DENND4C: variants seen among roughly 807,000 people sequenced by gnomAD.
DENND4C encodes the protein DENN domain-containing protein 4C.
In DENND4C, 108 loss-of-function variants were observed where a neutral mutation model predicts 203.0. The ratio of observed to expected loss-of-function variants is 0.53; its 90% CI spans 0.46 to 0.62. DENND4C has a LOEUF of 0.62. Among genes scored for constraint, DENND4C ranks in the 20% least tolerant of loss-of-function variants. The probability of loss-of-function intolerance (pLI) is 0.00; values close to 1 mark genes in which losing one functional copy is unlikely to be tolerated. For missense variants in DENND4C, 2,481 were observed against 2,301.2 expected, an observed-to-expected ratio of 1.08 and a Z score of -1.60; for synonymous variants, 871 against 792.4, an observed-to-expected ratio of 1.10 and a Z score of -1.67.
At chr9:19,356,256 T>C (rs1437431877) in intron 26 of DENND4C, among the ~76,000 whole-genome samples, 2 of 152,216 alleles carry the variant, frequency 1.3e-5, no homozygotes, top group African/African-American at 2.4e-5. Flanking sequence ...GACTTTGATA[T>C]GCATATCATT....
chr9:19,350,516 T>C (rs1349148597), intron 23 of DENND4C, among the ~76,000 whole-genome samples, 186 bp from the exon 24 acceptor site: 1 of 152,176 alleles, frequency 6.6e-6, no homozygotes, highest in Admixed American at 6.6e-5. Context: ...TATTGTTGCT[T>C]ATGGCTTGAA....
intron 5 of DENND4C, chr9:19,292,628 C>G (rs1438294788): frequency 2.0e-5 from 3 of 151,492 alleles, no homozygotes; most frequent in Non-Finnish European, 4.4e-5. Context: ...TCACTGCAAC[C>G]TCCGCCTCCC....
intron 1 of DENND4C, among the ~76,000 whole-genome samples, chr9:19,269,772 T>C (rs764244295): frequency 4.6e-5 from 7 of 152,152 alleles, no homozygotes; most frequent in Non-Finnish European, 1.0e-4. Flanking sequence ...ATTTAGTTTG[T>C]TTGGTGAGGT....
At chr9:19,237,727 C>CT (rs1051172139) in intron 1 of DENND4C, among the ~76,000 whole-genome samples, 2 of 152,280 alleles carry the variant, frequency 1.3e-5, no homozygotes, top group Admixed American at 1.3e-4. Context: ...ATCTGTATGC[C>CT]TTTTTTTCCT....
At chr9:19,297,711 T>C (rs1837747839) in intron 6 of DENND4C, among the ~76,000 whole-genome samples, 2 of 152,182 alleles carry the variant, frequency 1.3e-5, no homozygotes, top group African/African-American at 4.8e-5. Context: ...AATTTTAGTG[T>C]AAATTCATTA....
Position 19,286,792 on chromosome 9 carries a change from G to A in DENND4C, c.329G>A (p.Arg110Gln), listed in dbSNP as rs896157533. The A allele has an allele frequency of 1.9e-5, 24 of 1,231,950 alleles. No individual in the cohort carries two copies. The highest frequency in any genetic ancestry group is 4.1e-5 in the South Asian group (1 of 24,320). 76.3% of individuals were successfully genotyped at this position (1,231,950 alleles called of 1,614,324 possible). ...DIGVLYEGKERLIPGCEVILA... is the reference protein window; with the variant it reads ...DIGVLYEGKEQLIPGCEVILA... ...AGAGTTCTATATGAAGGGAAAGAAC[G>A]GCTTATTCCAGGATGTGAAGTGATC... The change falls in exon 3 of 33, where the codon CGG becomes CAG. Residue 110 changes from arginine (R) to glutamine (Q), a missense_variant. Physicochemically the swap from Arg to Gln is conservative, Grantham distance 43. Around this residue, in one of 3 missense-constraint regions of DENND4C, gnomAD observed 187 missense variants for 167.4 expected, o/e 1.12. Transcript: ENST00000434457.
Position 19,371,988 on chromosome 9 carries a change from G to C in DENND4C, c.5741-49G>C, listed in dbSNP as rs764679108. 3.3e-5 allele frequency: 52 copies of C among 1,578,840 alleles called. 1 individual carries two copies. In the African/African-American group the frequency reaches 6.6e-4, roughly 20 times the overall value. On this transcript the variant is annotated intron_variant, in intron 32 of 32. Transcript: ENST00000434457. ...CAATACCAATTTGAAATGAACGGCT[G>C]TTGTCTTTCTTAACAAATTACAACT...
At position 19,293,379 on chromosome 9, in the gene DENND4C, TATA is replaced by T. The variant is rs545952631; in HGVS notation, c.801+2506_801+2508del. Among the ~76,000 whole-genome samples the T allele has an allele frequency of 3.3e-4, 50 of 152,324 alleles. No homozygotes were observed. In the South Asian group the frequency reaches 0.01, roughly 31 times the overall value. On this transcript the variant is annotated intron_variant, in intron 5 of 32. Transcript: ENST00000434457. ...ATATTGTGTGTATAAAGGCAAGGGT[TATA>T]ATGAAAAAACAGTTGGCAAGATTTA...
chr9:19,256,843 G>T (rs1018630477), intron 1 of DENND4C, among the ~76,000 whole-genome samples: 3 of 151,742 alleles, frequency 2.0e-5, no homozygotes, highest in Non-Finnish European at 4.4e-5. Flanking sequence ...GGCCGAGGCA[G>T]GTGGATCACG....
At chr9:19,350,908 T>C in intron 24 of DENND4C, 29 bp downstream of exon 24, 1 of 1,570,068 alleles carries the variant, frequency 6.4e-7, no homozygotes, top group Non-Finnish European at 8.6e-7. Context: ...CTTTCTTCAT[T>C]TGCTTTATAA....
chr9:19,327,811 T>A (rs773088501), intron 15 of DENND4C, among the ~76,000 whole-genome samples: 1 of 152,246 alleles, frequency 6.6e-6, no homozygotes, highest in African/African-American at 2.4e-5. Flanking sequence ...AGAGATTGAT[T>A]GAAAATAACA....
intron 20 of DENND4C, among the ~76,000 whole-genome samples, chr9:19,340,174 C>T (rs920854811): frequency 1.3e-5 from 2 of 150,470 alleles, no homozygotes; most frequent in African/African-American, 4.8e-5. Context: ...TCAGTGTTAA[C>T]ATAGTGTTAC....
At chr9:19,291,795 C>G (rs987079971) in intron 5 of DENND4C, among the ~76,000 whole-genome samples, 2 of 149,988 alleles carry the variant, frequency 1.3e-5, no homozygotes, top group African/African-American at 2.5e-5. Flanking sequence ...GTGGTACATA[C>G]AAATGTAAAA....
chr9:19,290,214 G>A (rs1287124925), intron 4 of DENND4C, among the ~76,000 whole-genome samples: 1 of 152,152 alleles, frequency 6.6e-6, no homozygotes, highest in Non-Finnish European at 1.5e-5. Flanking sequence ...TAGTCACAGT[G>A]TTTCTGTCTC....
At chr9:19,236,937 C>G (rs1440704880) in intron 1 of DENND4C, among the ~76,000 whole-genome samples, 1 of 152,186 alleles carries the variant, frequency 6.6e-6, no homozygotes, top group African/African-American at 2.4e-5. Flanking sequence ...ATTCCAGCAT[C>G]TTGCTGTTTT....
Position 19,264,878 on chromosome 9 carries a change from GGTT to G in DENND4C, c.-17-11276_-17-11274del, listed in dbSNP as rs1450689642. Among the ~76,000 whole-genome samples the G allele has an allele frequency of 2.6e-5, 4 of 151,526 alleles. No individual in the cohort carries two copies. The South Asian group carries it at 6.3e-4, about 24-fold the overall frequency. On this transcript the variant is annotated intron_variant, in intron 1 of 32. Coordinates refer to ENST00000434457, the MANE Select transcript of DENND4C (RefSeq NM_001330640.2). ...TCTAATTCTTTAAGATTCATTTTTA[GGTT>G]GTTTATTTGAAGTTTTTCTACTTTT...
intron 17 of DENND4C, among the ~76,000 whole-genome samples, chr9:19,333,620 ATATACT>A (rs1170840749): frequency 1.3e-5 from 2 of 152,208 alleles, no homozygotes; most frequent in African/African-American, 2.4e-5. Flanking sequence ...AAATCAGTTA[ATATACT>A]TAAAGTGCCT....
At chr9:19,341,314 T>C (rs909028321) in intron 21 of DENND4C, among the ~76,000 whole-genome samples, 200 bp downstream of exon 21, 10 of 144,876 alleles carry the variant, frequency 6.9e-5, no homozygotes, top group Non-Finnish European at 1.1e-4. Flanking sequence ...TTTCTTTCTT[T>C]TTTTTTTTTT....
chr9:19,349,601 G>A (rs904319876), intron 23 of DENND4C, among the ~76,000 whole-genome samples: 3 of 152,120 alleles, frequency 2.0e-5, no homozygotes, highest in African/African-American at 7.2e-5. Flanking sequence ...ACACATGAAG[G>A]AATGAATGAA....
Sources: allele counts gnomAD v4.1 joint callset (sites outside exome capture counted in the v4.1 genomes callset), GRCh38; gene constraint gnomAD v4.1.1; regional missense constraint gnomAD v4.1.1; transcripts MANE v1.5; gene names NCBI Gene and HGNC (gene_info 2026-07-23, HGNC 2026-07-21).